The following SLC30A9 variants were observed in gnomAD, a reference collection of about 807,000 sequenced individuals.
SLC30A9 encodes solute carrier family 30 member 9.
A neutral mutation model predicts 87.5 loss-of-function variants in SLC30A9; 58 were observed. That is an observed-to-expected ratio of 0.66 (90% CI 0.54 to 0.82). The LOEUF (loss-of-function observed/expected upper bound fraction) is 0.82. SLC30A9 is among the 40% of genes least tolerant of loss of function. SLC30A9 has a pLI of 0.00. For missense variants in SLC30A9, 557 were observed against 679.1 expected (o/e 0.82, Z 2.00); for synonymous variants, 234 against 233.0 (o/e 1.00, Z -0.04).
chr4:42,022,922 G>A lies in SLC30A9; in HGVS notation c.519G>A (p.Val173=). The change falls in exon 5 of 18, where the codon GTG becomes GTA. Residue 173 remains valine, a synonymous_variant. Transcript: ENST00000264451. ...ESFTVYLRSD[V]EAKSLEVWGS... ...TTACTGTATACTTGAGATCAGATGT[G>A]GAAGCAAAGTAAGAACATAGTTCTT... The A allele has an allele frequency of 1.3e-6, 2 of 1,547,326 alleles. No individual in the cohort carries two copies. The highest frequency in any genetic ancestry group is 1.8e-6 in the Non-Finnish European group (2 of 1,136,836).
Position 42,033,801 on chromosome 4 carries a change from A to T in SLC30A9, c.611-1474A>T, listed in dbSNP as rs534787117. Among the ~76,000 whole-genome samples the T allele has an allele frequency of 3.0e-4, 46 of 152,132 alleles. No individual in the cohort carries two copies. In the East Asian group the frequency reaches 5.1e-3, roughly 17 times the overall value. On this transcript the variant is annotated intron_variant, in intron 6 of 17. Transcript: ENST00000264451. ...CATGTTAGCCAGGATGGTCTCGATGATCTGACCTTGTGATCCACCCGCCTT... is the reference window on the plus strand; with the variant it reads ...CATGTTAGCCAGGATGGTCTCGATGTTCTGACCTTGTGATCCACCCGCCTT...
chr4:42,075,036 TATATATATATATATATATATATA>T (rs1440636327), intron 15 of SLC30A9, among the ~76,000 whole-genome samples: 2 of 9,014 alleles, frequency 2.2e-4, no homozygotes, highest in East Asian at 2.2e-3. Flanking sequence ...TATATATATA[TATATATATATATATATATATATA>T]TTTTTTTTTT....
intron 13 of SLC30A9, 150 bp downstream of exon 13, chr4:42,066,771 TA>T: frequency 1.8e-6 from 1 of 561,366 alleles, no homozygotes; most frequent in Non-Finnish European, 3.1e-6. Flanking sequence ...CAGCCCTTAT[TA>T]AAAAGAAATG....
At chr4:41,997,335 T>G (rs1714764481) in intron 1 of SLC30A9, among the ~76,000 whole-genome samples, 1 of 152,042 alleles carries the variant, frequency 6.6e-6, no homozygotes, top group Admixed American at 6.5e-5. Flanking sequence ...AAACCAGAGA[T>G]AGTCAATCTG....
At chr4:42,041,612 C>T (rs926513491) in intron 8 of SLC30A9, among the ~76,000 whole-genome samples, 7 of 152,026 alleles carry the variant, frequency 4.6e-5, no homozygotes, top group African/African-American at 1.2e-4. Flanking sequence ...GGGTGATGTG[C>T]GCCTGTAGAC....
intron 8 of SLC30A9, among the ~76,000 whole-genome samples, chr4:42,047,163 G>A (rs538855241): frequency 9.8e-5 from 15 of 152,314 alleles, no homozygotes; most frequent in Non-Finnish European, 1.5e-4. Context: ...TCAGGACATA[G>A]GCATGGGCAA....
chr4:41,995,579 G>T (rs1714664199), intron 1 of SLC30A9, among the ~76,000 whole-genome samples: 1 of 152,174 alleles, frequency 6.6e-6, no homozygotes, highest in Non-Finnish European at 1.5e-5. Context: ...GATGGCCTAG[G>T]ACTCCAGCTT....
intron 17 of SLC30A9, among the ~76,000 whole-genome samples, chr4:42,082,089 C>G (rs565550096): frequency 3.9e-5 from 6 of 152,034 alleles, no homozygotes; most frequent in African/African-American, 1.2e-4. Flanking sequence ...TGGTGGCAGG[C>G]ACCTGTAGTC....
chr4:42,086,745 A>T lies in SLC30A9; in HGVS notation c.*619A>T, dbSNP rs1718936813. On this transcript the variant is annotated 3_prime_UTR_variant, in exon 18 of 18. Transcript: ENST00000264451. ...TGTTTAGTTACTGAATTGAATGAAG[A>T]CATCTCAGTACACTCTTTTAGGTCA... 6.6e-6 allele frequency: 1 copy of T among 152,658 alleles called. No homozygotes were observed. The highest frequency in any genetic ancestry group is 1.5e-5 in the Non-Finnish European group (1 of 68,036). 9.5% of individuals were successfully genotyped at this position (152,658 alleles called of 1,614,324 possible).
At chr4:42,016,775 T>C (rs1004147214) in intron 2 of SLC30A9, among the ~76,000 whole-genome samples, 1 of 148,444 alleles carries the variant, frequency 6.7e-6, no homozygotes, top group African/African-American at 2.5e-5. Context: ...CTGTATGAAA[T>C]GTTGTGTGAA....
chr4:42,024,749 T>A (rs2153135870), intron 6 of SLC30A9, among the ~76,000 whole-genome samples: 1 of 152,340 alleles, frequency 6.6e-6, no homozygotes, highest in Non-Finnish European at 1.5e-5. Context: ...TTTAACTTTT[T>A]TGTGTATTTG....
intron 17 of SLC30A9, among the ~76,000 whole-genome samples, chr4:42,085,683 G>A (rs1366127512): frequency 6.6e-6 from 1 of 152,086 alleles, no homozygotes; most frequent in African/African-American, 2.4e-5. Flanking sequence ...ACAGGGCCCG[G>A]CCCAAGAATA....
At chr4:42,018,479 T>G (rs1187344306) in intron 3 of SLC30A9, 1 of 1,171,446 alleles carries the variant, frequency 8.5e-7, no homozygotes, top group Admixed American at 3.8e-5. Context: ...GGCCCACACT[T>G]TTCAGCTACT....
intron 14 of SLC30A9, among the ~76,000 whole-genome samples, chr4:42,069,681 A>G (rs1718229616): frequency 6.6e-6 from 1 of 152,246 alleles, no homozygotes; most frequent in Non-Finnish European, 1.5e-5. Flanking sequence ...TGTAAAATTT[A>G]TTATAAAGAT....
chr4:42,009,991 T>A (rs1715373771), intron 2 of SLC30A9, among the ~76,000 whole-genome samples: 1 of 152,216 alleles, frequency 6.6e-6, no homozygotes, highest in African/African-American at 2.4e-5. Context: ...TACTTTAGAA[T>A]TTGCTTGCTG....
chr4:42,073,125 C>T (rs183003539), intron 15 of SLC30A9, among the ~76,000 whole-genome samples: 5 of 152,262 alleles, frequency 3.3e-5, no homozygotes, highest in South Asian at 2.1e-4. Context: ...CCACCCGCCT[C>T]GGTCTCCCAA....
At chr4:42,033,631 A>G (rs1296230801) in intron 6 of SLC30A9, among the ~76,000 whole-genome samples, 2 of 152,074 alleles carry the variant, frequency 1.3e-5, no homozygotes, top group Admixed American at 6.5e-5. Flanking sequence ...GCTGGAGTGC[A>G]GTGGCACGAT....
At chr4:42,062,158 C>T (rs1225004921) in intron 10 of SLC30A9, among the ~76,000 whole-genome samples, 1 of 150,372 alleles carries the variant, frequency 6.7e-6, no homozygotes, top group Non-Finnish European at 1.5e-5. Flanking sequence ...CCTGCCATTG[C>T]ACTCCAGCCT....
chr4:42,019,654 T>G (rs1294830633), intron 3 of SLC30A9, among the ~76,000 whole-genome samples: 1 of 152,188 alleles, frequency 6.6e-6, no homozygotes, highest in Non-Finnish European at 1.5e-5. Context: ...GATTAGTATA[T>G]GTAAATGAAA....
Sources: allele counts gnomAD v4.1 joint callset (sites outside exome capture counted in the v4.1 genomes callset), GRCh38; gene constraint gnomAD v4.1.1; transcripts MANE v1.5; gene names NCBI Gene and HGNC (gene_info 2026-07-23, HGNC 2026-07-21).